Variants in LMBR1 observed in about 807,000 individuals in gnomAD.
LMBR1 encodes limb region 1 protein homolog.
Under a neutral mutation model 73.9 loss-of-function variants are expected in LMBR1, and 52 were observed. The ratio of observed to expected loss-of-function variants is 0.70; its 90% CI spans 0.56 to 0.89. LMBR1 has a LOEUF of 0.89. Among genes scored for constraint, LMBR1 ranks in the 40% least tolerant of loss-of-function variants. LMBR1 has a pLI of 0.00. For missense variants in LMBR1, 539 were observed against 579.8 expected (o/e 0.93, Z 0.72); for synonymous variants, 215 against 209.4 (o/e 1.03, Z -0.23).
At chr7:156,781,739 G>A (rs1827166893) in intron 5 of LMBR1, among the ~76,000 whole-genome samples, 1 of 152,118 alleles carries the variant, frequency 6.6e-6, no homozygotes, top group Non-Finnish European at 1.5e-5. Flanking sequence ...TCCCAACCAA[G>A]TCAACCTTCT....
At chr7:156,833,450 C>T in intron 3 of LMBR1, 1 of 336,028 alleles carries the variant, frequency 3.0e-6, no homozygotes, top group Non-Finnish European at 5.4e-6. Context: ...ATAGTCTTCT[C>T]AGCAGACTGT....
At chr7:156,760,821 C>A (rs956693256) in intron 8 of LMBR1, among the ~76,000 whole-genome samples, 1 of 152,182 alleles carries the variant, frequency 6.6e-6, no homozygotes, top group African/African-American at 2.4e-5. Context: ...CCCTATAACA[C>A]TTCCTCAGTA....
At chr7:156,802,570 A>G (rs915181490) in intron 4 of LMBR1, among the ~76,000 whole-genome samples, 2 of 152,226 alleles carry the variant, frequency 1.3e-5, no homozygotes, top group Non-Finnish European at 2.9e-5. Flanking sequence ...GAACAAAATT[A>G]TAACATATAC....
In LMBR1 at chr7:156,684,131, T is replaced by C; in HGVS notation, c.1420A>G (p.Arg474Gly). ...LHKLHLPNTSRDSETAKPSVN... is the reference protein window; with the variant it reads ...LHKLHLPNTSGDSETAKPSVN... The stretch of plus-strand genomic sequence containing the variant: ...GAAGGCTTGGCTGTTTCTGAATCCC[T>C]TGAAGTATTTGGTAAGTGAAGTTTA... Residue 474 changes from arginine (R) to glycine (G), a missense_variant, in exon 17 of 17, where the codon AGG (arginine) becomes GGG (glycine). Coordinates refer to ENST00000353442, the MANE Select transcript of LMBR1 (RefSeq NM_022458.4). 1.2e-6 allele frequency: 2 copies of C among 1,614,082 alleles called. No individual in the cohort carries two copies. The highest frequency in any genetic ancestry group is 2.2e-5 in the East Asian group (1 of 44,878).
At chr7:156,851,830 T>TA (rs1345325187) in intron 1 of LMBR1, among the ~76,000 whole-genome samples, 1 of 152,150 alleles carries the variant, frequency 6.6e-6, no homozygotes, top group East Asian at 1.9e-4. Context: ...ATGAAAAAAT[T>TA]AAAGTTTTAA....
At chr7:156,689,029 T>C (rs1211086724) in intron 15 of LMBR1, among the ~76,000 whole-genome samples, 3 of 152,170 alleles carry the variant, frequency 2.0e-5, no homozygotes, top group African/African-American at 7.2e-5. Context: ...ATCTAATATA[T>C]GCATTGAAGT....
intron 3 of LMBR1, chr7:156,833,373 G>A (rs1037918588): frequency 1.1e-5 from 2 of 190,328 alleles, no homozygotes; most frequent in Non-Finnish European, 1.1e-5. Context: ...CTGGGCCCAT[G>A]TTCCTGCTCA....
At position 156,734,228 on chromosome 7, in the gene LMBR1, T is replaced by C. The variant is rs1817423257; in HGVS notation, c.787A>G (p.Met263Val). ...GLSSSVEYNI[M>V]ELEQELENVK... ...TTTTCAAGTTCTTGTTCCAACTCCA[T>C]TATGTTGTATTCCACCGATGAAGAC... Residue 263 changes from methionine to valine, a missense_variant, in exon 10 of 17, where the codon ATG (methionine) becomes GTG (valine). This residue lies in a region of LMBR1 where 454 missense variants were observed against 473.4 expected (regional missense o/e 0.96). Coordinates refer to ENST00000353442, the MANE Select transcript of LMBR1 (RefSeq NM_022458.4). 2.5e-6 allele frequency: 4 copies of C among 1,609,420 alleles called. No individual in the cohort carries two copies. Among genetic ancestry groups the C allele is most frequent in the Middle Eastern group, 1.7e-4 (1 of 6,044 alleles).
intron 1 of LMBR1, among the ~76,000 whole-genome samples, chr7:156,838,374 C>T (rs1324768017): frequency 2.6e-5 from 4 of 152,120 alleles, no homozygotes; most frequent in Admixed American, 1.3e-4. Flanking sequence ...TCTCCAAGCC[C>T]CCACCCCTAG....
At chr7:156,797,026 G>A (rs1395522194) in intron 4 of LMBR1, among the ~76,000 whole-genome samples, 2 of 152,142 alleles carry the variant, frequency 1.3e-5, no homozygotes, top group Non-Finnish European at 2.9e-5. Context: ...TAGCATTACT[G>A]CCCCAAGATG....
rs544505649 is a variant in LMBR1 at position 156,701,555 on chromosome 7, C to T, written c.1226-13364G>A. Among the ~76,000 whole-genome samples, 7 of 152,316 alleles carry T rather than the reference C, an allele frequency of 4.6e-5. No homozygotes were observed. In the East Asian group the frequency reaches 1.3e-3, roughly 29 times the overall value. On this transcript the variant is annotated intron_variant, in intron 15 of 16. Coordinates refer to ENST00000353442, the MANE Select transcript of LMBR1 (RefSeq NM_022458.4). ...GAATGGCCAAAATCCAGAACACTGA[C>T]ACCATATGCTGGTGAGGATGTGGAG...
chr7:156,684,908 G>T (rs1168064814), intron 16 of LMBR1, among the ~76,000 whole-genome samples: 1 of 152,118 alleles, frequency 6.6e-6, no homozygotes, highest in Non-Finnish European at 1.5e-5. Flanking sequence ...AGTGAGATGT[G>T]ATCACACCAC....
chr7:156,843,926 T>G (rs957400003), intron 1 of LMBR1, among the ~76,000 whole-genome samples: 3 of 151,634 alleles, frequency 2.0e-5, no homozygotes, highest in Non-Finnish European at 4.4e-5. Context: ...GGAAAACAAG[T>G]AACCAAAATG....
chr7:156,768,420 G>A (rs1824543014), intron 5 of LMBR1, among the ~76,000 whole-genome samples: 1 of 152,006 alleles, frequency 6.6e-6, no homozygotes, highest in South Asian at 2.1e-4. Flanking sequence ...ATTATATTTA[G>A]CATGTTTATG....
At chr7:156,834,640 T>C (rs751420314) in intron 2 of LMBR1, 2 of 202,606 alleles carry the variant, frequency 9.9e-6, no homozygotes, top group South Asian at 1.6e-4. Flanking sequence ...GAAATAAAAA[T>C]TATATATAAT....
intron 1 of LMBR1, among the ~76,000 whole-genome samples, chr7:156,853,996 T>A (rs1483646338): frequency 3.4e-5 from 5 of 147,924 alleles, no homozygotes; most frequent in Non-Finnish European, 5.9e-5. Flanking sequence ...ACCACCTATA[T>A]ACATCATATG....
chr7:156,793,830 C>A (rs1407615380), intron 5 of LMBR1, among the ~76,000 whole-genome samples: 1 of 152,126 alleles, frequency 6.6e-6, no homozygotes, highest in Non-Finnish European at 1.5e-5. Context: ...CATTTAATCA[C>A]CAAAATGATA....
intron 15 of LMBR1, among the ~76,000 whole-genome samples, chr7:156,700,527 AAAACTT>A (rs1384488385): frequency 1.4e-4 from 21 of 152,260 alleles, no homozygotes; most frequent in African/African-American, 5.1e-4. Context: ...CATGTACCCT[AAAACTT>A]AAAGTATAAT....
chr7:156,756,378 G>A lies in LMBR1; in HGVS notation c.757+15C>T. 1 of 1,199,788 alleles carries A rather than the reference G, an allele frequency of 8.3e-7. No homozygotes were observed. The highest frequency in any genetic ancestry group is 2.4e-5 in the East Asian group (1 of 42,430). 74.3% of individuals were successfully genotyped at this position (1,199,788 alleles called of 1,614,324 possible). A position where few individuals can be genotyped will look rare whatever the true frequency, so the allele number is the denominator to read the frequency against. On this transcript the variant is annotated intron_variant, in intron 9 of 16. Transcript: ENST00000353442. ...GATTTTTTTATCCCCGTCTAAATAT[G>A]TAATATAAACATACCATTTAGTCGT...
Sources: allele counts gnomAD v4.1 joint callset (sites outside exome capture counted in the v4.1 genomes callset), GRCh38; gene constraint gnomAD v4.1.1; regional missense constraint gnomAD v4.1.1; transcripts MANE v1.5; gene names NCBI Gene and HGNC (gene_info 2026-07-23, HGNC 2026-07-21).